The following COBLL1 variants were observed in gnomAD, a reference collection of about 807,000 sequenced individuals.
COBLL1 encodes the protein cordon-bleu protein-like 1.
In COBLL1, 50 loss-of-function variants were observed where a neutral mutation model predicts 94.8. The observed-to-expected ratio is 0.53, with a 90% CI of 0.42 to 0.67. The LOEUF (loss-of-function observed/expected upper bound fraction) is 0.67. Among genes scored for constraint, COBLL1 ranks in the 30% least tolerant of loss-of-function variants. The pLI is 0.00. For synonymous variants in COBLL1, 448 were observed against 473.8 expected (o/e 0.95, Z 0.71); for missense variants, 1,362 against 1,348.7 (o/e 1.01, Z -0.15).
chr2:164,674,667 A>C (rs1434344487), intron 1 of COBLL1, among the ~76,000 whole-genome samples: 2 of 152,236 alleles, frequency 1.3e-5, no homozygotes, highest in African/African-American at 4.8e-5. Flanking sequence ...GATAGAGGGC[A>C]AACAAGATAG....
chr2:164,793,722 A>G (rs529468136), intron 2 of COBLL1, among the ~76,000 whole-genome samples: 5 of 152,346 alleles, frequency 3.3e-5, no homozygotes, highest in East Asian at 1.9e-4. Context: ...AAAAATGCCA[A>G]GAAAAGAAAA....
intron 2 of COBLL1, among the ~76,000 whole-genome samples, chr2:164,658,214 C>T (rs992858828): frequency 1.5e-4 from 23 of 152,206 alleles, no homozygotes; most frequent in African/African-American, 4.3e-4. Context: ...GATTCTTAGT[C>T]GGCCTAGGAA....
In COBLL1 at chr2:164,699,364, T is replaced by A. The variant is rs779623431; in HGVS notation, c.1555+41A>T. The A allele has an allele frequency of 7.8e-6, 10 of 1,289,988 alleles. No homozygotes were observed. The Admixed American group carries it at 1.2e-4, about 15-fold the overall frequency. 79.9% of individuals were successfully genotyped at this position (1,289,988 alleles called of 1,614,324 possible). A position where few individuals can be genotyped will look rare whatever the true frequency, so the allele number is the denominator to read the frequency against. ...GTTAAGAACTGTCCTTGGCACATAATAAAAGTAAGAAAGTGTTGGCTATTA... is the reference window on the plus strand; with the variant it reads ...GTTAAGAACTGTCCTTGGCACATAAAAAAAGTAAGAAAGTGTTGGCTATTA... On this transcript the variant is annotated intron_variant, in intron 11 of 13. Transcript: ENST00000652658.
chr2:164,694,271 T>G lies in COBLL1; in HGVS notation c.3121A>C (p.Lys1041Gln). Residue 1041 changes from lysine to glutamine, a missense_variant and splice_region_variant, in exon 12 of 14, where the codon AAG becomes CAG. Coordinates refer to ENST00000652658, the MANE Select transcript of COBLL1 (RefSeq NM_001365672.2). ...VDIPQLGVSD[K>Q]ENNSAHNEQN... ...ATTTTTAAAAAGGCTACAGTTACCT[T>G]ATCAGACACACCAAGCTGTGGGATG... is the stretch of plus-strand genomic sequence containing the variant. The G allele has an allele frequency of 1.2e-6, 2 of 1,612,296 alleles. No individual in the cohort carries two copies. Among genetic ancestry groups the G allele is most frequent in the East Asian group, 4.5e-5 (2 of 44,866 alleles).
At position 164,694,679 on chromosome 2, in the gene COBLL1, CTGCCTCTTT is replaced by C. The variant is rs759438890; in HGVS notation, c.2704_2712del (p.Lys902_Ala904del). Reference sequence around the variant, plus strand: ...TCCGGAGAAGGCAGCATATCCCTTTCTGCCTCTTTATTTGTCAGTTCTTTTGGAGCAGGA... The same window carrying C: ...TCCGGAGAAGGCAGCATATCCCTTTCATTTGTCAGTTCTTTTGGAGCAGGA... On this transcript the variant is annotated inframe_deletion, in exon 12 of 14. Transcript: ENST00000652658. 1 of 1,613,838 alleles carries C rather than the reference CTGCCTCTTT, an allele frequency of 6.2e-7. No homozygotes were observed. The highest frequency in any genetic ancestry group is 1.3e-5 in the African/African-American group (1 of 74,970).
chr2:164,810,803 G>A (rs540229938), intron 2 of COBLL1, among the ~76,000 whole-genome samples: 1 of 151,804 alleles, frequency 6.6e-6, no homozygotes, highest in East Asian at 1.9e-4. Context: ...TATATGAAAG[G>A]CATGTTGAAA....
intron 2 of COBLL1, among the ~76,000 whole-genome samples, chr2:164,774,324 T>C (rs1024465316): frequency 6.6e-6 from 1 of 152,174 alleles, no homozygotes; most frequent in African/African-American, 2.4e-5. Context: ...GAAGCCTCAA[T>C]ACGGCCAATG....
chr2:164,703,557 G>A (rs1684428463), intron 9 of COBLL1: 1 of 405,286 alleles, frequency 2.5e-6, no homozygotes, highest in African/African-American at 2.2e-5. Flanking sequence ...TTATCTGAGA[G>A]TAAGATTTAA....
At chr2:164,832,142 T>C (rs943116198) in intron 2 of COBLL1, among the ~76,000 whole-genome samples, 2 of 152,182 alleles carry the variant, frequency 1.3e-5, no homozygotes, top group Non-Finnish European at 2.9e-5. Flanking sequence ...AAATAGTACA[T>C]GTGCATGTGC....
intron 7 of COBLL1, 39 bp from the exon 8 acceptor site, chr2:164,705,144 A>G: frequency 6.8e-7 from 1 of 1,469,856 alleles, no homozygotes; most frequent in South Asian, 1.5e-5. Flanking sequence ...CTACATTTAG[A>G]AATCAGTAGC....
intron 7 of COBLL1, among the ~76,000 whole-genome samples, chr2:164,708,819 A>C (rs1439887678): frequency 6.6e-6 from 1 of 152,218 alleles, no homozygotes; most frequent in Non-Finnish European, 1.5e-5. Context: ...CCCTAGTTCC[A>C]TGTTTCCCTT....
intron 2 of COBLL1, among the ~76,000 whole-genome samples, chr2:164,755,906 G>A (rs1574527762): frequency 6.6e-6 from 1 of 152,280 alleles, no homozygotes; most frequent in East Asian, 1.9e-4. Context: ...CTTAGAAGTT[G>A]TTCTGCCTCA....
intron 7 of COBLL1, among the ~76,000 whole-genome samples, chr2:164,711,344 G>A (rs771715767): frequency 4.6e-5 from 7 of 152,158 alleles, no homozygotes; most frequent in Admixed American, 3.9e-4. Flanking sequence ...TACAGATGTT[G>A]GAGTAAAAAG....
At chr2:164,805,316 TC>T (rs1291459415) in intron 2 of COBLL1, among the ~76,000 whole-genome samples, 1 of 41,052 alleles carries the variant, frequency 2.4e-5, no homozygotes, top group Non-Finnish European at 5.2e-5. Context: ...TCTCTCTCTC[TC>T]TCTCTCTCTC....
At chr2:164,817,099 T>C (rs1013047921) in intron 2 of COBLL1, among the ~76,000 whole-genome samples, 1 of 152,132 alleles carries the variant, frequency 6.6e-6, no homozygotes, top group Non-Finnish European at 1.5e-5. Context: ...GGGAACACTG[T>C]AGAATCTGGA....
At chr2:164,717,921 G>A (rs1685256373) in intron 7 of COBLL1, among the ~76,000 whole-genome samples, 1 of 152,166 alleles carries the variant, frequency 6.6e-6, no homozygotes. Context: ...GCAATGTACA[G>A]TATAGTTTAG....
chr2:164,824,470 A>G (rs1018671283), intron 2 of COBLL1, among the ~76,000 whole-genome samples: 12 of 152,186 alleles, frequency 7.9e-5, no homozygotes, highest in Non-Finnish European at 1.5e-4. Context: ...ATTTCAAGAT[A>G]TTTATTTGGG....
In COBLL1 at chr2:164,722,515, G is replaced by A; in HGVS notation, c.669C>T (p.Cys223=). The A allele has an allele frequency of 6.8e-7, 1 of 1,474,514 alleles. No homozygotes were observed. Among genetic ancestry groups the A allele is most frequent in the Non-Finnish European group, 9.1e-7 (1 of 1,101,722 alleles). 91.3% of individuals were successfully genotyped at this position (1,474,514 alleles called of 1,614,324 possible). Residue 223 remains cysteine, a synonymous_variant, in exon 6 of 14, where the codon TGC becomes TGT. Transcript: ENST00000652658. The stretch of plus-strand genomic sequence containing the variant: ...TAATATCTAGGTTTTGTGATATTTG[G>A]CAGGACTCTAAAATAGAAGAAAAGC... ...LYAMDVNRES[C]QISQNLDIMK...
rs72061846 is a variant in COBLL1, at chr2:164,777,331, TACAC to T, written c.42-33460_42-33457del. On this transcript the variant is annotated intron_variant, in intron 2 of 13. Transcript: ENST00000652658. The stretch of plus-strand genomic sequence containing the variant: ...AACAAAAATTCACTAAATCATGAGT[TACAC>T]ACACACACACACACACACACACACA... 4.3e-3 allele frequency among the ~76,000 whole-genome samples: 645 copies of T among 149,078 alleles called. 5 individuals carry two copies. Among genetic ancestry groups the T allele is most frequent in the African/African-American group, 0.013 (528 of 40,750 alleles).
Sources: allele counts gnomAD v4.1 joint callset (sites outside exome capture counted in the v4.1 genomes callset), GRCh38; gene constraint gnomAD v4.1.1; transcripts MANE v1.5; gene names NCBI Gene and HGNC (gene_info 2026-07-23, HGNC 2026-07-21).